Variants in SLIT3 observed in about 807,000 individuals in gnomAD.
SLIT3 encodes slit homolog 3 protein.
A neutral mutation model predicts 184.0 loss-of-function variants in SLIT3; 68 were observed. That is an observed-to-expected ratio of 0.37 (90% confidence interval 0.30 to 0.45). The LOEUF is 0.45. Ranked by LOEUF, SLIT3 falls within the 20% of genes least tolerant of loss-of-function variation. The pLI, the probability that SLIT3 is intolerant of heterozygous loss-of-function variation, is 1.00. For synonymous variants in SLIT3, 831 were observed against 828.6 expected, an observed-to-expected ratio of 1.00 and a Z score of -0.05; for missense variants, 1,707 against 2,026.0, an observed-to-expected ratio of 0.84 and a Z score of 3.02.
chr5:169,054,585 C>G (rs1239301911), intron 4 of SLIT3, among the ~76,000 whole-genome samples: 2 of 152,064 alleles, frequency 1.3e-5, no homozygotes, highest in Non-Finnish European at 2.9e-5. Flanking sequence ...AAAACGCAAC[C>G]CTAAGTCCCT....
intron 23 of SLIT3, among the ~76,000 whole-genome samples, chr5:168,715,148 G>A (rs1220532715): frequency 6.6e-6 from 1 of 152,198 alleles, no homozygotes; most frequent in Non-Finnish European, 1.5e-5. Context: ...GCCTGGGTGT[G>A]AATCCCTCGT....
At chr5:169,068,372 A>C (rs1432049595) in intron 4 of SLIT3, among the ~76,000 whole-genome samples, 1 of 152,164 alleles carries the variant, frequency 6.6e-6, no homozygotes, top group Non-Finnish European at 1.5e-5. Context: ...CTGGTTAAGA[A>C]TTTTTCACCC....
intron 4 of SLIT3, among the ~76,000 whole-genome samples, chr5:169,044,768 G>A (rs1021098516): frequency 7.2e-5 from 11 of 152,032 alleles, no homozygotes; most frequent in African/African-American, 2.7e-4. Context: ...AAAAAAGAAG[G>A]AAAAAAGAAA....
At chr5:169,006,057 C>A (rs1356381330) in intron 4 of SLIT3, among the ~76,000 whole-genome samples, 3 of 152,186 alleles carry the variant, frequency 2.0e-5, no homozygotes, top group Non-Finnish European at 4.4e-5. Flanking sequence ...AAGGCAGGCC[C>A]AGTTCCAGCC....
intron 1 of SLIT3, among the ~76,000 whole-genome samples, chr5:169,272,078 T>C (rs949028255): frequency 6.6e-6 from 1 of 152,214 alleles, no homozygotes; most frequent in Non-Finnish European, 1.5e-5. Context: ...GCCTGAGCTA[T>C]AGGAGGCCCA....
At chr5:169,289,901 A>G (rs1400459321) in intron 1 of SLIT3, among the ~76,000 whole-genome samples, 1 of 152,150 alleles carries the variant, frequency 6.6e-6, no homozygotes, top group African/African-American at 2.4e-5. Flanking sequence ...ACACTAGGGC[A>G]TATGCTAGGG....
chr5:168,705,743 C>T (rs958253005), intron 26 of SLIT3, among the ~76,000 whole-genome samples: 5 of 152,212 alleles, frequency 3.3e-5, no homozygotes, highest in South Asian at 2.1e-4. Flanking sequence ...CTGACACTGA[C>T]GGTCAGGTCA....
intron 4 of SLIT3, among the ~76,000 whole-genome samples, chr5:169,065,195 A>G (rs748561812): frequency 5.9e-5 from 9 of 152,212 alleles, no homozygotes; most frequent in Non-Finnish European, 1.2e-4. Context: ...CATATAAAGT[A>G]AGACCAGTGC....
At chr5:169,191,272 T>C (rs992596038) in intron 4 of SLIT3, among the ~76,000 whole-genome samples, 2 of 152,306 alleles carry the variant, frequency 1.3e-5, no homozygotes, top group Non-Finnish European at 2.9e-5. Flanking sequence ...ACTGATGGAG[T>C]GCCTATGTGT....
intron 12 of SLIT3, among the ~76,000 whole-genome samples, chr5:168,775,058 A>G (rs1259506989): frequency 1.4e-5 from 2 of 143,628 alleles, no homozygotes; most frequent in Non-Finnish European, 3.0e-5. Flanking sequence ...TTTTTTTGAG[A>G]TGGAGTCTTG....
intron 4 of SLIT3, among the ~76,000 whole-genome samples, chr5:168,893,332 A>G (rs1042278957): frequency 1.3e-5 from 2 of 152,108 alleles, no homozygotes; most frequent in Non-Finnish European, 2.9e-5. Flanking sequence ...TATACAATCT[A>G]TCCTCCTCTG....
At chr5:169,294,075 G>A (rs999731504) in intron 1 of SLIT3, among the ~76,000 whole-genome samples, 1 of 152,166 alleles carries the variant, frequency 6.6e-6, no homozygotes, top group Admixed American at 6.5e-5. Flanking sequence ...AGCTCTCTGG[G>A]AATGCCTCCA....
chr5:168,717,882 G>A (rs550529050), intron 23 of SLIT3, among the ~76,000 whole-genome samples: 6 of 151,952 alleles, frequency 3.9e-5, no homozygotes, highest in Admixed American at 1.3e-4. Context: ...GGATGGTCTC[G>A]ATCTCCTGAC....
chr5:169,151,131 C>G lies in SLIT3; in HGVS notation c.413+42348G>C, dbSNP rs76951097. On this transcript the variant is annotated intron_variant, in intron 4 of 35. Transcript: ENST00000519560. ...CACAGAAGAGAAGTGAAAGGGACACCAGGATCGACGTTTGAAACAGAAGCA... is the reference window on the plus strand; with the variant it reads ...CACAGAAGAGAAGTGAAAGGGACACGAGGATCGACGTTTGAAACAGAAGCA... 2.2e-4 allele frequency among the ~76,000 whole-genome samples: 33 copies of G among 152,262 alleles called. No individual in the cohort carries two copies. In the East Asian group the frequency reaches 6.4e-3, roughly 29 times the overall value.
rs1481270444 is a variant in SLIT3, at chr5:168,806,492, C to T, written c.889G>A (p.Gly297Ser). 5.6e-6 allele frequency: 9 copies of T among 1,614,072 alleles called. No individual in the cohort carries two copies. Among genetic ancestry groups the T allele is most frequent in the Admixed American group, 1.7e-5 (1 of 60,004 alleles). ...AAGTTGGCAGGAATCTCCATCAAGCCCTTTCCTCGACAGTCCACGATGTTA... is the reference window on the plus strand; with the variant it reads ...AAGTTGGCAGGAATCTCCATCAAGCTCTTTCCTCGACAGTCCACGATGTTA... ...SNNIVDCRGK[G>S]LMEIPANLPE... The change falls in exon 9 of 36, where the codon GGC becomes AGC. Residue 297 changes from glycine to serine, a missense_variant. By Grantham distance (56) the Gly-to-Ser change is moderately conservative. Around this residue, in one of 3 missense-constraint regions of SLIT3, gnomAD observed 1,307 missense variants for 1,511.6 expected, o/e 0.86. Transcript: ENST00000519560.
At position 168,664,212 on chromosome 5, in the gene SLIT3, T is replaced by TATA. The variant is rs545508322; in HGVS notation, c.*2239_*2241dup. 171 of 152,316 alleles carry TATA rather than the reference T, an allele frequency of 1.1e-3. 1 individual carries two copies. The highest frequency in any genetic ancestry group is 4.0e-3 in the African/African-American group (166 of 41,564). The allele number at this position is 152,316 out of a possible 1,614,324, so 9.4% of individuals were successfully genotyped here. A position where few individuals can be genotyped will look rare whatever the true frequency, so the allele number is the denominator to read the frequency against. On this transcript the variant is annotated 3_prime_UTR_variant, in exon 36 of 36. Coordinates refer to ENST00000519560, the MANE Select transcript of SLIT3 (RefSeq NM_003062.4). ...ATAAAGTACTAAATAAATCTGCTAT[T>TATA]ATAATAATGTTTGAAACAGGCTGAG... is the stretch of plus-strand genomic sequence containing the variant.
chr5:168,934,855 C>A (rs577031864), intron 4 of SLIT3, among the ~76,000 whole-genome samples: 5 of 151,414 alleles, frequency 3.3e-5, no homozygotes, highest in Admixed American at 3.3e-4. Flanking sequence ...GAAGGCTGGG[C>A]GCGGTGGCTC....
intron 4 of SLIT3, among the ~76,000 whole-genome samples, chr5:169,132,235 GA>G (rs1483077038): frequency 6.6e-5 from 10 of 152,162 alleles, no homozygotes; most frequent in Non-Finnish European, 1.5e-4. Context: ...GAGGGCTGAA[GA>G]GAGCCAAGTG....
chr5:169,182,040 A>G (rs1763176247), intron 4 of SLIT3, among the ~76,000 whole-genome samples: 1 of 152,180 alleles, frequency 6.6e-6, no homozygotes, highest in African/African-American at 2.4e-5. Context: ...AGGCCAAACC[A>G]TCAGTTCAAC....
Sources: allele counts gnomAD v4.1 joint callset (sites outside exome capture counted in the v4.1 genomes callset), GRCh38; gene constraint gnomAD v4.1.1; regional missense constraint gnomAD v4.1.1; transcripts MANE v1.5; gene names NCBI Gene and HGNC (gene_info 2026-07-23, HGNC 2026-07-21).